Variants in RBFOX1 observed in about 807,000 individuals in gnomAD.
RBFOX1 encodes the protein RNA binding protein fox-1 homolog 1.
Under a neutral mutation model 57.7 loss-of-function variants are expected in RBFOX1, and 8 were observed. That is an observed-to-expected ratio of 0.14 (90% CI 0.08 to 0.25). The LOEUF (loss-of-function observed/expected upper bound fraction) is 0.25, where lower values mean the gene tolerates loss of function less well. Ranked by LOEUF, RBFOX1 falls within the 10% of genes least tolerant of loss-of-function variation. The pLI is 1.00. For synonymous variants in RBFOX1, 326 were observed against 222.4 expected (o/e 1.47, Z -4.15); for missense variants, 611 against 548.5 (o/e 1.11, Z -1.14).
chr16:6,811,394 G>T (rs1219766825), intron 3 of RBFOX1, among the ~76,000 whole-genome samples: 1 of 152,174 alleles, frequency 6.6e-6, no homozygotes, highest in East Asian at 1.9e-4. Context: ...CTTTTAGCTA[G>T]ATAACATTGA....
intron 1 of RBFOX1, among the ~76,000 whole-genome samples, chr16:5,411,767 C>T (rs986774536): frequency 2.0e-5 from 3 of 151,918 alleles, no homozygotes; most frequent in African/African-American, 7.3e-5. Context: ...ATGGTGGTCT[C>T]ATCTACTCTG....
intron 4 of RBFOX1, among the ~76,000 whole-genome samples, chr16:7,141,990 TC>T (rs2073906928): frequency 2.8e-5 from 2 of 71,936 alleles, no homozygotes; most frequent in Admixed American, 2.2e-4. Context: ...CTCCATCTTC[TC>T]CTTCTTCTTC....
intron 4 of RBFOX1, among the ~76,000 whole-genome samples, chr16:7,099,815 G>T (rs955818804): frequency 6.6e-6 from 1 of 152,126 alleles, no homozygotes; most frequent in Non-Finnish European, 1.5e-5. Context: ...AAGAATGTGT[G>T]GGTTTCAATA....
intron 1 of RBFOX1, among the ~76,000 whole-genome samples, chr16:6,145,848 G>T (rs977302552): frequency 1.3e-5 from 2 of 152,156 alleles, no homozygotes; most frequent in Non-Finnish European, 2.9e-5. Context: ...TAATGGTGTT[G>T]CTTTTCTTGT....
In RBFOX1 at chr16:5,284,756, A is replaced by ATTTTTTTTTTTTTTTTTTTT. The variant is rs1166998032; in HGVS notation, c.219+44658_219+44677dup. On this transcript the variant is annotated intron_variant, in intron 1 of 2. Transcript: ENST00000585867. The stretch of plus-strand genomic sequence containing the variant: ...GCTGGGTATAGTAGTTTTGGCTTAG[A>ATTTTTTTTTTTTTTTTTTTT]TTTTTTTTTTTTTTTTTTTTTTTTT... 2.0e-3 allele frequency among the ~76,000 whole-genome samples: 120 copies of ATTTTTTTTTTTTTTTTTTTT among 61,038 alleles called. 7 individuals are homozygous for ATTTTTTTTTTTTTTTTTTTT. Among genetic ancestry groups the ATTTTTTTTTTTTTTTTTTTT allele is most frequent in the Non-Finnish European group, 2.3e-3 (78 of 33,612 alleles). The allele number at this position is 61,038 out of a possible 152,430, so 40.0% of individuals were successfully genotyped here. A position where few individuals can be genotyped will look rare whatever the true frequency, so the allele number is the denominator to read the frequency against.
At chr16:6,405,633 G>C (rs1377465001) in intron 2 of RBFOX1, among the ~76,000 whole-genome samples, 1 of 152,124 alleles carries the variant, frequency 6.6e-6, no homozygotes, top group Non-Finnish European at 1.5e-5. Flanking sequence ...AGCCATAAAG[G>C]GAAGGAATAG....
intron 12 of RBFOX1, among the ~76,000 whole-genome samples, chr16:7,658,860 G>T (rs571967128): frequency 6.0e-4 from 92 of 152,176 alleles, no homozygotes; most frequent in African/African-American, 2.2e-3. Flanking sequence ...CAGGTAGCTG[G>T]GATTATAGGC....
Position 5,843,205 on chromosome 16 carries a change from AG to A in RBFOX1, c.319-24094del, listed in dbSNP as rs1326072759. Among the ~76,000 whole-genome samples, 6 of 152,276 alleles carry A rather than the reference AG, an allele frequency of 3.9e-5. No individual in the cohort carries two copies. The East Asian group carries it at 1.2e-3, about 29-fold the overall frequency. On this transcript the variant is annotated intron_variant, in intron 3 of 19. Transcript: ENST00000641259. ...TATTATATAAGTAAACTCACGTCTC[AG>A]GGGTTTGTTTTACAGATTATTTCAT...
At chr16:6,770,117 T>C (rs2078044775) in intron 3 of RBFOX1, among the ~76,000 whole-genome samples, 2 of 152,204 alleles carry the variant, frequency 1.3e-5, no homozygotes, top group Admixed American at 1.3e-4. Context: ...AAGGAACTTG[T>C]ATTAAGCAGA....
chr16:6,858,954 C>G (rs892838447), intron 3 of RBFOX1, among the ~76,000 whole-genome samples: 2 of 151,256 alleles, frequency 1.3e-5, no homozygotes, highest in Admixed American at 6.6e-5. Context: ...CACTGTCAAT[C>G]AAAGGTAGGT....
intron 4 of RBFOX1, among the ~76,000 whole-genome samples, chr16:7,249,291 T>C (rs1365884374): frequency 6.6e-6 from 1 of 152,156 alleles, no homozygotes; most frequent in African/African-American, 2.4e-5. Context: ...TTTCTTTCTA[T>C]TGGATGAACC....
chr16:6,211,246 T>G (rs1017987334), intron 1 of RBFOX1, among the ~76,000 whole-genome samples: 23 of 147,526 alleles, frequency 1.6e-4, no homozygotes, highest in Admixed American at 4.7e-4. Context: ...TTTTTTTTTT[T>G]GGGATGGAGT....
intron 4 of RBFOX1, among the ~76,000 whole-genome samples, chr16:7,302,894 C>A (rs2096067551): frequency 6.6e-6 from 1 of 151,732 alleles, no homozygotes. Context: ...GAGGGGAGAC[C>A]CGTTTGCAAG....
chr16:6,546,056 C>G (rs117392218), intron 2 of RBFOX1, among the ~76,000 whole-genome samples: 8 of 152,280 alleles, frequency 5.3e-5, no homozygotes, highest in Non-Finnish European at 1.0e-4. Context: ...AGCTGATGAA[C>G]TATTAAAAAA....
chr16:7,648,000 A>G (rs2064098237), intron 11 of RBFOX1, among the ~76,000 whole-genome samples: 1 of 152,324 alleles, frequency 6.6e-6, no homozygotes, highest in East Asian at 1.9e-4. Context: ...CATCTCAAAT[A>G]TACATTTTAC....
chr16:6,107,031 G>A (rs959201027), intron 1 of RBFOX1, among the ~76,000 whole-genome samples: 6 of 152,166 alleles, frequency 3.9e-5, no homozygotes, highest in Non-Finnish European at 7.3e-5. Context: ...TAGAACATTC[G>A]AGTGAACCAA....
rs35809038 is a variant in RBFOX1 at position 5,825,556 on chromosome 16, A to G, written c.319-41747A>G. ...AGCATCTTTTCTCAGTGCATTTTTT[A>G]TGGTAAAAACCATGTAACATAAAAG... On this transcript the variant is annotated intron_variant, in intron 3 of 19. Coordinates refer to the RBFOX1 transcript ENST00000641259. Among the ~76,000 whole-genome samples, 523 of 152,314 alleles carry G rather than the reference A, an allele frequency of 3.4e-3. 8 individuals are homozygous for G. The highest frequency in any genetic ancestry group is 7.5e-3 in the East Asian group (39 of 5,182).
intron 3 of RBFOX1, among the ~76,000 whole-genome samples, chr16:6,790,442 C>T (rs976910400): frequency 2.0e-5 from 3 of 152,218 alleles, no homozygotes; most frequent in Admixed American, 2.0e-4. Context: ...ACCTCGGCCT[C>T]CCAAAGTGCT....
At chr16:6,712,648 G>A (rs1484294999) in intron 3 of RBFOX1, among the ~76,000 whole-genome samples, 1 of 152,008 alleles carries the variant, frequency 6.6e-6, no homozygotes, top group African/African-American at 2.4e-5. Flanking sequence ...TCCTATCATG[G>A]CGTAGGCACT....
Sources: gnomAD v4.1 joint callset for allele counts (sites outside exome capture counted in the v4.1 genomes callset) on GRCh38, gnomAD v4.1.1 for gene constraint, MANE v1.5 for transcripts, NCBI Gene and HGNC (gene_info 2026-07-23, HGNC 2026-07-21) for gene names.